PDZRN4: variants seen among roughly 807,000 people sequenced by gnomAD.
PDZRN4 encodes PDZ domain containing ring finger 4, also known as PDZ domain-containing RING finger protein 4.
PDZRN4 carries 70 observed loss-of-function variants against 99.0 expected under a neutral mutation model. The observed-to-expected ratio is 0.71, with a 90% CI of 0.58 to 0.86. The LOEUF (loss-of-function observed/expected upper bound fraction) is 0.86, where lower values mean the gene tolerates loss of function less well. Ranked by LOEUF, PDZRN4 falls within the 40% of genes least tolerant of loss-of-function variation. The probability of loss-of-function intolerance (pLI) is 0.00; values close to 1 mark genes in which losing one functional copy is unlikely to be tolerated. For synonymous variants in PDZRN4, 551 were observed against 501.6 expected (o/e 1.10, Z -1.32); for missense variants, 1,474 against 1,331.2 (o/e 1.11, Z -1.67).
At chr12:41,466,820 G>A (rs1018063290) in intron 3 of PDZRN4, among the ~76,000 whole-genome samples, 1 of 134,504 alleles carries the variant, frequency 7.4e-6, no homozygotes, top group Non-Finnish European at 1.5e-5. Flanking sequence ...TATGGGTCTT[G>A]CACCATGAAC....
intron 8 of PDZRN4, among the ~76,000 whole-genome samples, chr12:41,566,978 T>C (rs1019662614): frequency 1.3e-5 from 2 of 152,142 alleles, no homozygotes; most frequent in Admixed American, 6.6e-5. Context: ...TAACCACCAG[T>C]TTTCCACTTC....
chr12:41,306,458 C>T (rs1951570109), intron 3 of PDZRN4, among the ~76,000 whole-genome samples: 1 of 152,150 alleles, frequency 6.6e-6, no homozygotes, highest in Admixed American at 6.5e-5. Context: ...GACAGCCATC[C>T]TTCCATTCCA....
intron 3 of PDZRN4, among the ~76,000 whole-genome samples, chr12:41,505,894 TA>T (rs1221881760): frequency 6.6e-6 from 1 of 152,172 alleles, no homozygotes; most frequent in Non-Finnish European, 1.5e-5. Context: ...TCTGTATTTC[TA>T]ATAATCTTTC....
intron 3 of PDZRN4, among the ~76,000 whole-genome samples, chr12:41,435,561 G>A (rs1952621911): frequency 6.6e-6 from 1 of 152,160 alleles, no homozygotes; most frequent in Non-Finnish European, 1.5e-5. Flanking sequence ...GGCCGAAGCA[G>A]GCAGATCACG....
chr12:41,215,993 G>A (rs1950918955), intron 3 of PDZRN4, among the ~76,000 whole-genome samples: 1 of 151,674 alleles, frequency 6.6e-6, no homozygotes, highest in Non-Finnish European at 1.5e-5. Flanking sequence ...TACTAGTTAA[G>A]GACCTTAAAA....
chr12:41,497,493 C>A (rs1189544452), intron 3 of PDZRN4, among the ~76,000 whole-genome samples: 2 of 152,016 alleles, frequency 1.3e-5, no homozygotes, highest in African/African-American at 4.8e-5. Context: ...TTTAGTATTA[C>A]GTTAGGAAGT....
intron 6 of PDZRN4, among the ~76,000 whole-genome samples, chr12:41,553,944 T>C (rs1939100597): frequency 6.6e-6 from 1 of 152,156 alleles, no homozygotes; most frequent in South Asian, 2.1e-4. Flanking sequence ...TCTTATTGTT[T>C]TGATAGACCT....
chr12:41,290,824 C>G (rs1951452535), intron 3 of PDZRN4, among the ~76,000 whole-genome samples: 1 of 151,906 alleles, frequency 6.6e-6, no homozygotes. Context: ...CATGAATACC[C>G]CCTTTAGAAG....
At chr12:41,406,121 A>G (rs1391512363) in intron 3 of PDZRN4, among the ~76,000 whole-genome samples, 1 of 152,216 alleles carries the variant, frequency 6.6e-6, no homozygotes, top group East Asian at 1.9e-4. Context: ...ATAATAAAAA[A>G]CATTAAATGT....
chr12:41,529,730 A>T (rs927978662), intron 5 of PDZRN4, among the ~76,000 whole-genome samples: 1 of 152,034 alleles, frequency 6.6e-6, no homozygotes, highest in Non-Finnish European at 1.5e-5. Context: ...TCCTCAAATC[A>T]CTCCTCAAAA....
At chr12:41,350,606 T>G (rs1346651212) in intron 3 of PDZRN4, among the ~76,000 whole-genome samples, 1 of 152,218 alleles carries the variant, frequency 6.6e-6, no homozygotes, top group Middle Eastern at 3.4e-3. Context: ...TAGTTTAAGT[T>G]GAATATGAGT....
intron 2 of PDZRN4, 143 bp from the exon 3 acceptor site, chr12:41,193,938 T>C: frequency 1.7e-6 from 1 of 591,136 alleles, no homozygotes; most frequent in Non-Finnish European, 3.0e-6. Context: ...TGGTGTTAAG[T>C]AAGTTAAAAT....
At chr12:41,444,737 A>G (rs1952709589) in intron 3 of PDZRN4, among the ~76,000 whole-genome samples, 1 of 152,162 alleles carries the variant, frequency 6.6e-6, no homozygotes, top group African/African-American at 2.4e-5. Flanking sequence ...TTGTGAAATG[A>G]AAAATGAAAG....
At chr12:41,508,207 C>G (rs577684034) in intron 4 of PDZRN4, among the ~76,000 whole-genome samples, 5 of 152,164 alleles carry the variant, frequency 3.3e-5, no homozygotes, top group East Asian at 3.9e-4. Flanking sequence ...GTGACAGGGC[C>G]AGGCTTCTAG....
chr12:41,331,387 C>G (rs1951740416), intron 3 of PDZRN4, among the ~76,000 whole-genome samples: 1 of 151,938 alleles, frequency 6.6e-6, no homozygotes, highest in Non-Finnish European at 1.5e-5. Context: ...AATTACATCT[C>G]TCAAAATGTT....
chr12:41,429,329 A>C (rs1489514868), intron 3 of PDZRN4, among the ~76,000 whole-genome samples: 1 of 152,238 alleles, frequency 6.6e-6, no homozygotes, highest in Non-Finnish European at 1.5e-5. Context: ...TACAGTTATC[A>C]GTACATATTC....
intron 3 of PDZRN4, among the ~76,000 whole-genome samples, chr12:41,411,135 A>C (rs1952396512): frequency 6.6e-6 from 1 of 151,646 alleles, no homozygotes; most frequent in African/African-American, 2.4e-5. Flanking sequence ...TCCTGGGCTT[A>C]AGCAGTCCTC....
chr12:41,552,774 G>C lies in PDZRN4; in HGVS notation c.1302+20G>C. 6 of 1,562,198 alleles carry C rather than the reference G, an allele frequency of 3.8e-6. No homozygotes were observed. Among genetic ancestry groups the C allele is most frequent in the Non-Finnish European group, 5.3e-6 (6 of 1,133,188 alleles). ...AGCGAGGTAAGAAACGCCATGGAGG[G>C]GAAATTCGAGGAGGGAGACTAGGAA... On this transcript the variant is annotated intron_variant, in intron 6 of 9. Transcript: ENST00000402685.
intron 3 of PDZRN4, among the ~76,000 whole-genome samples, chr12:41,406,208 A>G (rs958757885): frequency 6.6e-6 from 1 of 152,218 alleles, no homozygotes; most frequent in Non-Finnish European, 1.5e-5. Context: ...GTACTAGATA[A>G]GTCTAACAAG....
Sources: gnomAD v4.1 joint callset for allele counts (sites outside exome capture counted in the v4.1 genomes callset) on GRCh38, gnomAD v4.1.1 for gene constraint, MANE v1.5 for transcripts, NCBI Gene and HGNC (gene_info 2026-07-23, HGNC 2026-07-21) for gene names.